RNFT2: variants seen among roughly 807,000 people sequenced by gnomAD.
The protein encoded by RNFT2 is ring finger protein, transmembrane 2.
RNFT2 carries 36 observed loss-of-function variants against 53.0 expected under a neutral mutation model. The ratio of observed to expected loss-of-function variants is 0.68; its 90% CI spans 0.52 to 0.90. The LOEUF is 0.90. Among genes scored for constraint, RNFT2 ranks in the 40% least tolerant of loss-of-function variants. The pLI is 0.00. For synonymous variants in RNFT2, 260 were observed against 253.2 expected, an observed-to-expected ratio of 1.03 and a Z score of -0.26; for missense variants, 514 against 585.6, an observed-to-expected ratio of 0.88 and a Z score of 1.26.
intron 10 of RNFT2, among the ~76,000 whole-genome samples, chr12:116,844,871 G>C (rs149661836): frequency 8.5e-5 from 13 of 152,200 alleles, no homozygotes; most frequent in African/African-American, 2.9e-4. Flanking sequence ...AGTCCCATTT[G>C]GTTGGTCAAT....
intron 4 of RNFT2, among the ~76,000 whole-genome samples, chr12:116,751,076 G>T (rs1352273625): frequency 2.0e-5 from 3 of 148,984 alleles, no homozygotes; most frequent in Non-Finnish European, 4.5e-5. Context: ...CACCACACCC[G>T]GCTAAATTTT....
intron 3 of RNFT2, among the ~76,000 whole-genome samples, chr12:116,745,457 G>A (rs1248845274): frequency 1.3e-5 from 2 of 152,020 alleles, no homozygotes; most frequent in Non-Finnish European, 2.9e-5. Context: ...TTACATGTGT[G>A]AGCCACCACA....
chr12:116,849,354 G>A lies in RNFT2; in HGVS notation c.1241G>A (p.Arg414His), dbSNP rs1372684864. The A allele has an allele frequency of 1.6e-5, 24 of 1,545,822 alleles. No homozygotes were observed. The highest frequency in any genetic ancestry group is 1.7e-4 in the Middle Eastern group (1 of 6,000). Residue 414 changes from arginine (R) to histidine (H), a missense_variant, in exon 11 of 11, where the codon CGT (arginine) becomes CAT (histidine). Arg to His is a conservative substitution (Grantham distance 29). Transcript: ENST00000257575. ...CEECLCLWLD[R>H]ERTCPLCRSV... is the part of the protein sequence containing the mutation. ...GAGTGCCTCTGCCTGTGGCTGGACC[G>A]TGAGCGCACCTGCCCGCTCTGCCGC...
At chr12:116,841,956 T>TAG (rs1464688632) in intron 10 of RNFT2, among the ~76,000 whole-genome samples, 18 of 17,228 alleles carry the variant, frequency 1.0e-3, no homozygotes, top group Admixed American at 5.6e-3. Context: ...TAAATATATA[T>TAG]ATAGAGAGAG....
intron 5 of RNFT2, among the ~76,000 whole-genome samples, chr12:116,760,798 C>T (rs1368767984): frequency 6.6e-6 from 1 of 152,128 alleles, no homozygotes; most frequent in African/African-American, 2.4e-5. Context: ...ATTCACAATG[C>T]GAGCTGCCGC....
chr12:116,743,234 A>AAAAAAAAAAAAGTT, intron 3 of RNFT2, among the ~76,000 whole-genome samples: 1 of 114,498 alleles, frequency 8.7e-6, no homozygotes, highest in Non-Finnish European at 1.9e-5. Context: ...AAAAAAAAAA[A>AAAAAAAAAAAAGTT]AAAAAAAAAA....
intron 7 of RNFT2, among the ~76,000 whole-genome samples, chr12:116,794,688 G>C (rs1408260038): frequency 8.8e-6 from 1 of 114,048 alleles, no homozygotes; most frequent in Non-Finnish European, 1.8e-5. Context: ...GGGAGGGAGG[G>C]AGGGAAGGGA....
chr12:116,763,874 G>A (rs943984748), intron 5 of RNFT2, among the ~76,000 whole-genome samples: 3 of 151,980 alleles, frequency 2.0e-5, no homozygotes, highest in Admixed American at 1.3e-4. Flanking sequence ...AGGAAAAGAA[G>A]TCATTATACG....
rs1878011490 is a variant in RNFT2, at chr12:116,853,220, C to A, written c.*3772C>A. 1 of 399,150 alleles carries A rather than the reference C, an allele frequency of 2.5e-6. No individual in the cohort carries two copies. Among genetic ancestry groups the A allele is most frequent in the African/African-American group, 2.1e-5 (1 of 48,726 alleles). The allele number at this position is 399,150 out of a possible 1,614,324, so 24.7% of individuals were successfully genotyped here. ...CGTTGGAAAAGAACAATGCCACTCT[C>A]TTTTATGTATCTTGGTTCTGCAACT... is the stretch of plus-strand genomic sequence containing the variant. On this transcript the variant is annotated 3_prime_UTR_variant, in exon 11 of 11. Transcript: ENST00000257575.
At chr12:116,815,973 C>T (rs979541767) in intron 7 of RNFT2, among the ~76,000 whole-genome samples, 7 of 152,158 alleles carry the variant, frequency 4.6e-5, no homozygotes, top group Non-Finnish European at 8.8e-5. Context: ...CCCTCCTTCC[C>T]TTGCACCTCT....
chr12:116,765,590 G>A (rs1425424884), intron 5 of RNFT2, among the ~76,000 whole-genome samples: 1 of 152,144 alleles, frequency 6.6e-6, no homozygotes, highest in African/African-American at 2.4e-5. Context: ...CTGCCTATGT[G>A]TCCCAGGGTA....
chr12:116,852,919 T>G lies in RNFT2; in HGVS notation c.*3471T>G, dbSNP rs1167685664. 12 of 598,666 alleles carry G rather than the reference T, an allele frequency of 2.0e-5. No homozygotes were observed. Among genetic ancestry groups the G allele is most frequent in the Non-Finnish European group, 3.5e-5 (12 of 339,072 alleles). The allele number at this position is 598,666 out of a possible 1,614,324, so 37.1% of individuals were successfully genotyped here. ...AATTATGCCCATGCCACCAAAACAA[T>G]AAAACAAAATTCTCTAACACTGCAA... On this transcript the variant is annotated 3_prime_UTR_variant, in exon 11 of 11. Coordinates refer to ENST00000257575, the MANE Select transcript of RNFT2 (RefSeq NM_001382266.1).
chr12:116,776,149 T>C (rs1158422095), intron 6 of RNFT2, among the ~76,000 whole-genome samples: 1 of 152,092 alleles, frequency 6.6e-6, no homozygotes, highest in Non-Finnish European at 1.5e-5. Context: ...TTAGAAATGA[T>C]TGGACTTGAT....
chr12:116,815,626 C>T lies in RNFT2; in HGVS notation c.883-18166C>T, dbSNP rs1223956430. On this transcript the variant is annotated intron_variant, in intron 7 of 10. Transcript: ENST00000257575. Reference sequence around the variant, plus strand: ...AGGATCCTTGTGATGATATTGGGCCCGTCCAGGTCACCTGGGATAATCTCC... The same window carrying T: ...AGGATCCTTGTGATGATATTGGGCCTGTCCAGGTCACCTGGGATAATCTCC... Among the ~76,000 whole-genome samples the T allele has an allele frequency of 4.6e-5, 7 of 152,152 alleles. No individual in the cohort carries two copies. In the South Asian group the frequency reaches 6.2e-4, roughly 14 times the overall value.
chr12:116,785,750 C>T (rs564446884), intron 7 of RNFT2, among the ~76,000 whole-genome samples: 10 of 152,086 alleles, frequency 6.6e-5, no homozygotes, highest in African/African-American at 1.7e-4. Flanking sequence ...TTTCAGCAGA[C>T]GAAAATAAAA....
chr12:116,752,051 T>C (rs145123916), intron 4 of RNFT2, among the ~76,000 whole-genome samples: 2,850 of 152,218 alleles, frequency 0.019, 80 homozygotes, highest in African/African-American at 0.063. Flanking sequence ...GTCTACTACT[T>C]TCCATGAGAA....
In RNFT2 at chr12:116,836,192, C is replaced by G; in HGVS notation, c.1110C>G (p.Val370=). Residue 370 remains valine, a synonymous_variant, in exon 10 of 11, where the codon GTC becomes GTG. Transcript: ENST00000257575. ...KLLCTSQNYG[V]RATGQQCTEA... ...CCCCTCCCTCAAAGAACTATGGAGTCCGAGCCACCGGGCAGCAGTGCACAG... is the reference window on the plus strand; with the variant it reads ...CCCCTCCCTCAAAGAACTATGGAGTGCGAGCCACCGGGCAGCAGTGCACAG... 6.3e-7 allele frequency: 1 copy of G among 1,595,500 alleles called. No individual in the cohort carries two copies. The highest frequency in any genetic ancestry group is 8.5e-7 in the Non-Finnish European group (1 of 1,170,956).
At chr12:116,823,161 A>G (rs1193396203) in intron 7 of RNFT2, among the ~76,000 whole-genome samples, 1 of 152,054 alleles carries the variant, frequency 6.6e-6, no homozygotes, top group East Asian at 1.9e-4. Flanking sequence ...TGTGGAAGCT[A>G]CTTCATGTTA....
chr12:116,754,166 T>G, intron 5 of RNFT2, 106 bp downstream of exon 5: 1 of 861,972 alleles, frequency 1.2e-6, no homozygotes, highest in South Asian at 1.4e-5. Context: ...ATCATTCTTA[T>G]GCCTTTGCGT....
Sources: gnomAD v4.1 joint callset for allele counts (sites outside exome capture counted in the v4.1 genomes callset) on GRCh38, gnomAD v4.1.1 for gene constraint, MANE v1.5 for transcripts, NCBI Gene and HGNC (gene_info 2026-07-23, HGNC 2026-07-21) for gene names.